The following BCR variants were observed in gnomAD, a reference collection of about 807,000 sequenced individuals.
The protein encoded by BCR is breakpoint cluster region protein.
In BCR, 58 loss-of-function variants were observed where a neutral mutation model predicts 138.6. The observed-to-expected ratio is 0.42, with a 90% CI of 0.34 to 0.52. The LOEUF is 0.52. Among genes scored for constraint, BCR ranks in the 20% least tolerant of loss-of-function variants. BCR has a pLI of 0.06. For missense variants in BCR, 1,599 were observed against 1,727.2 expected (o/e 0.93, Z 1.32); for synonymous variants, 786 against 730.1 (o/e 1.08, Z -1.23).
chr22:23,262,909 C>T (rs2073383709), intron 4 of BCR: 1 of 1,091,486 alleles, frequency 9.2e-7, no homozygotes, highest in African/African-American at 1.7e-5. Flanking sequence ...GGAGCGAGGA[C>T]ACGCCCAAGA....
chr22:23,193,169 G>A (rs376006596), intron 1 of BCR, among the ~76,000 whole-genome samples: 3 of 152,250 alleles, frequency 2.0e-5, no homozygotes, highest in Admixed American at 6.5e-5. Context: ...TTGTATGCCC[G>A]TAGAGTAGGG....
chr22:23,308,973 TC>T (rs1313080461), intron 16 of BCR, among the ~76,000 whole-genome samples: 2 of 151,802 alleles, frequency 1.3e-5, no homozygotes, highest in East Asian at 3.9e-4. Flanking sequence ...TGCAGGCTCC[TC>T]CCGCCACAAG....
chr22:23,280,180 G>C (rs576685613), intron 8 of BCR, among the ~76,000 whole-genome samples: 60 of 152,310 alleles, frequency 3.9e-4, no homozygotes, highest in African/African-American at 1.4e-3. Context: ...CTAACAGTAT[G>C]CTTCTTCCAG....
At chr22:23,194,940 C>A (rs898933187) in intron 1 of BCR, among the ~76,000 whole-genome samples, 4 of 152,136 alleles carry the variant, frequency 2.6e-5, no homozygotes, top group African/African-American at 4.8e-5. Flanking sequence ...GCAAGCAAGA[C>A]CCTATCTCTA....
chr22:23,270,517 C>A (rs145985463), intron 5 of BCR, among the ~76,000 whole-genome samples: 1 of 152,298 alleles, frequency 6.6e-6, no homozygotes. Context: ...TCTCCCACCC[C>A]CTTACACCCT....
intron 1 of BCR, among the ~76,000 whole-genome samples, chr22:23,185,742 T>TTG (rs1569236060): frequency 6.7e-6 from 1 of 149,554 alleles, no homozygotes; most frequent in Non-Finnish European, 1.5e-5. Flanking sequence ...TGTTGTTGTT[T>TTG]TTTTGAGGCG....
intron 8 of BCR, among the ~76,000 whole-genome samples, chr22:23,275,752 A>C (rs2073568147): frequency 6.6e-6 from 1 of 152,332 alleles, no homozygotes; most frequent in East Asian, 1.9e-4. Context: ...GGTTCCTGCC[A>C]GGTTCGCCCT....
intron 1 of BCR, among the ~76,000 whole-genome samples, chr22:23,203,438 C>A (rs1287217094): frequency 6.6e-6 from 1 of 152,210 alleles, no homozygotes; most frequent in Non-Finnish European, 1.5e-5. Context: ...CTCCAAAAAT[C>A]CAAAATTGTG....
intron 1 of BCR, among the ~76,000 whole-genome samples, chr22:23,201,780 C>T (rs1254372082): frequency 6.6e-6 from 1 of 152,122 alleles, no homozygotes; most frequent in Non-Finnish European, 1.5e-5. Flanking sequence ...GAAAAGCTCC[C>T]TGGGTGACTT....
intron 4 of BCR, among the ~76,000 whole-genome samples, chr22:23,267,071 T>C (rs1176753298): frequency 6.6e-6 from 1 of 152,108 alleles, no homozygotes; most frequent in Non-Finnish European, 1.5e-5. Context: ...TTGTGTGTGT[T>C]CATGCATGTG....
chr22:23,180,938 G>C lies in BCR; in HGVS notation c.-23G>C, dbSNP rs566067977. 1.7e-6 allele frequency: 2 copies of C among 1,190,830 alleles called. No homozygotes were observed. Among genetic ancestry groups the C allele is most frequent in the African/African-American group, 3.2e-5 (2 of 62,480 alleles). 73.8% of individuals were successfully genotyped at this position (1,190,830 alleles called of 1,614,324 possible). On this transcript the variant is annotated 5_prime_UTR_variant, in exon 1 of 23. Transcript: ENST00000305877. ...GACGGGCCCCGCGCGCAGCCCGGCG[G>C]CGCAGGTAAGGCCGGCCGCGCCATG... is the stretch of plus-strand genomic sequence containing the variant.
chr22:23,296,911 A>G (rs2073850962), intron 16 of BCR, among the ~76,000 whole-genome samples: 1 of 152,164 alleles, frequency 6.6e-6, no homozygotes, highest in Non-Finnish European at 1.5e-5. Context: ...ACCACTCTTG[A>G]TGGAGTACTT....
intron 13 of BCR, chr22:23,290,114 C>G: frequency 1.6e-6 from 1 of 606,498 alleles, no homozygotes; most frequent in Non-Finnish European, 3.0e-6. Flanking sequence ...TATTACACTT[C>G]GAGTCACTGG....
chr22:23,295,020 G>A lies in BCR; in HGVS notation c.2881-4G>A, dbSNP rs1465162430. 1.9e-6 allele frequency: 3 copies of A among 1,613,722 alleles called. No homozygotes were observed. The highest frequency in any genetic ancestry group is 2.2e-5 in the East Asian group (1 of 44,882). ...TGGACTTCCCTTCTCCCTTGGGGCTGCAGGAATTTGAGATAGAGCTGGAGG... is the reference window on the plus strand; with the variant it reads ...TGGACTTCCCTTCTCCCTTGGGGCTACAGGAATTTGAGATAGAGCTGGAGG... On this transcript the variant is annotated splice_polypyrimidine_tract_variant and splice_region_variant and intron_variant, in intron 15 of 22. Coordinates refer to ENST00000305877, the MANE Select transcript of BCR (RefSeq NM_004327.4).
At chr22:23,265,553 C>G (rs2073430960) in intron 4 of BCR, among the ~76,000 whole-genome samples, 1 of 152,238 alleles carries the variant, frequency 6.6e-6, no homozygotes, top group African/African-American at 2.4e-5. Context: ...TCTGCCACCT[C>G]CTCCTGTGGG....
rs1324319340 is a variant in BCR, at chr22:23,295,173, A to G, written c.3012+18A>G. 2 of 1,499,480 alleles carry G rather than the reference A, an allele frequency of 1.3e-6. No individual in the cohort carries two copies. Among genetic ancestry groups the G allele is most frequent in the Non-Finnish European group, 9.0e-7 (1 of 1,109,246 alleles). 92.9% of individuals were successfully genotyped at this position (1,499,480 alleles called of 1,614,324 possible). ...AGGTCCAGGTGAGGCAGCCATCCCT[A>G]CCCTCCCCTGCCCGATGCATGGCGT... is the stretch of plus-strand genomic sequence containing the variant. On this transcript the variant is annotated intron_variant, in intron 16 of 22. Transcript: ENST00000305877.
rs750002604 is a variant in BCR at position 23,248,555 on chromosome 22, C to T, written c.1280-5244C>T. On this transcript the variant is annotated intron_variant, in intron 1 of 22. Coordinates refer to ENST00000305877, the MANE Select transcript of BCR (RefSeq NM_004327.4). ...TCGCTATATTATTTTTATTTTTTGG[C>T]TGCCCTTTTTCCTTTTATGAAAGAA... Among the ~76,000 whole-genome samples, 6 of 151,960 alleles carry T rather than the reference C, an allele frequency of 3.9e-5. 1 individual carries two copies. The highest frequency in any genetic ancestry group is 2.1e-4 in the South Asian group (1 of 4,822).
chr22:23,289,835 T>C (rs2073763968), intron 13 of BCR: 6 of 584,856 alleles, frequency 1.0e-5, no homozygotes, highest in Non-Finnish European at 1.8e-5. Flanking sequence ...TGCTGGGTGG[T>C]TGAGGAGATG....
intron 1 of BCR, among the ~76,000 whole-genome samples, chr22:23,250,868 C>T (rs2073217804): frequency 2.6e-5 from 4 of 152,160 alleles, no homozygotes; most frequent in South Asian, 4.1e-4. Flanking sequence ...GCATGGGCGG[C>T]CTCAGTGACC....
Sources: gnomAD v4.1 joint callset for allele counts (sites outside exome capture counted in the v4.1 genomes callset) on GRCh38, gnomAD v4.1.1 for gene constraint, MANE v1.5 for transcripts, NCBI Gene and HGNC (gene_info 2026-07-23, HGNC 2026-07-21) for gene names.